The following COL23A1 variants were observed in gnomAD, a reference collection of about 807,000 sequenced individuals.
COL23A1 encodes collagen alpha-1(XXIII) chain.
In COL23A1, 97 loss-of-function variants were observed where a neutral mutation model predicts 99.3. That is an observed-to-expected ratio of 0.98 (90% CI 0.83 to 1.16). The LOEUF is 1.16. COL23A1 is among the 50% of genes most tolerant of loss of function. The pLI is 0.00. For missense variants in COL23A1, 762 were observed against 757.4 expected (o/e 1.01, Z -0.07); for synonymous variants, 320 against 308.2 (o/e 1.04, Z -0.40).
chr5:178,267,178 A>T, intron 8 of COL23A1, 129 bp downstream of exon 8: 1 of 1,011,148 alleles, frequency 9.9e-7, no homozygotes, highest in Non-Finnish European at 1.5e-6. Context: ...ATGGGTGGGG[A>T]AGAGCCCTCT....
intron 2 of COL23A1, chr5:178,438,699 T>C (rs1318667074): frequency 6.7e-6 from 1 of 148,596 alleles, no homozygotes; most frequent in Non-Finnish European, 1.5e-5. Flanking sequence ...AGAAAAATAA[T>C]CTGTACATTG....
At chr5:178,557,089 A>G (rs1762317173) in intron 2 of COL23A1, among the ~76,000 whole-genome samples, 1 of 152,220 alleles carries the variant, frequency 6.6e-6, no homozygotes, top group Admixed American at 6.5e-5. Context: ...CGGGCTCCTC[A>G]GGGAGAGTCC....
At chr5:178,252,013 A>C (rs1460688472) in intron 17 of COL23A1, among the ~76,000 whole-genome samples, 1 of 150,932 alleles carries the variant, frequency 6.6e-6, no homozygotes, top group African/African-American at 2.4e-5. Flanking sequence ...TCCCAGGTTC[A>C]AGCGATTCTC....
intron 2 of COL23A1, among the ~76,000 whole-genome samples, chr5:178,495,561 G>A (rs532263014): frequency 2.6e-5 from 4 of 152,284 alleles, no homozygotes; most frequent in South Asian, 4.1e-4. Flanking sequence ...GGAGTTGACT[G>A]TAGGGCACCA....
Position 178,394,241 on chromosome 5 carries a change from C to T in COL23A1, c.362-87322G>A, listed in dbSNP as rs575659691. Among the ~76,000 whole-genome samples the T allele has an allele frequency of 4.6e-5, 7 of 152,332 alleles. No individual in the cohort carries two copies. The East Asian group carries it at 5.8e-4, about 13-fold the overall frequency. On this transcript the variant is annotated intron_variant, in intron 2 of 28. Coordinates refer to ENST00000390654, the MANE Select transcript of COL23A1 (RefSeq NM_173465.4). The stretch of plus-strand genomic sequence containing the variant: ...GCCTGGAGCCTCCTGAGGGCAGGTC[C>T]GGTACAGGTTTAACCCATGCCCTGA...
At position 178,366,906 on chromosome 5, in the gene COL23A1, C is replaced by T. The variant is rs2910112; in HGVS notation, c.362-59987G>A. The stretch of plus-strand genomic sequence containing the variant: ...ACTTGGCATGAGTGGCTGGCTTGCT[C>T]GCCTTCCTGGCCACACCAGATGGGC... On this transcript the variant is annotated intron_variant, in intron 2 of 28. Coordinates refer to ENST00000390654, the MANE Select transcript of COL23A1 (RefSeq NM_173465.4). The surrounding 1 kb of genome is among the most constrained non-coding windows in gnomAD (Gnocchi z 4.4). Among the ~76,000 whole-genome samples the T allele has an allele frequency of 6.6e-6, 1 of 152,110 alleles. No homozygotes were observed. Among genetic ancestry groups the T allele is most frequent in the Non-Finnish European group, 1.5e-5 (1 of 68,024 alleles).
At chr5:178,446,788 T>C (rs779118675) in intron 2 of COL23A1, among the ~76,000 whole-genome samples, 8 of 152,102 alleles carry the variant, frequency 5.3e-5, no homozygotes, top group African/African-American at 1.9e-4. Flanking sequence ...TTCACTGCAA[T>C]ACTGCTTGTA....
At chr5:178,403,048 G>A (rs1197784041) in intron 2 of COL23A1, among the ~76,000 whole-genome samples, 2 of 146,712 alleles carry the variant, frequency 1.4e-5, no homozygotes, top group Non-Finnish European at 3.0e-5. Flanking sequence ...GGTGGAGGTT[G>A]AAGTGAGCTG....
chr5:178,299,071 G>T (rs185576872), intron 3 of COL23A1, among the ~76,000 whole-genome samples: 2 of 152,184 alleles, frequency 1.3e-5, no homozygotes, highest in Admixed American at 1.3e-4. Flanking sequence ...TATTGTTGAG[G>T]ACTTTTATGT....
rs1356348797 is a variant in COL23A1, at chr5:178,309,793, C to T, written c.362-2874G>A. On this transcript the variant is annotated intron_variant, in intron 2 of 28. Transcript: ENST00000390654. This position sits in a 1 kb window ranked among gnomAD's most constrained non-coding sequence, Gnocchi z 4.7. ...AACGCTGCCCCTGCACTCAGTCCCC[C>T]ACTCTGCCACTCGCTCTGCTGTGCT... 6.6e-6 allele frequency among the ~76,000 whole-genome samples: 1 copy of T among 152,098 alleles called. No homozygotes were observed. Among genetic ancestry groups the T allele is most frequent in the African/African-American group, 2.4e-5 (1 of 41,406 alleles).
chr5:178,369,076 C>T (rs796980638), intron 2 of COL23A1, among the ~76,000 whole-genome samples: 1 of 152,334 alleles, frequency 6.6e-6, no homozygotes, highest in African/African-American at 2.4e-5. Flanking sequence ...AGGCTGCATC[C>T]GTCGGCCCCT....
Position 178,255,463 on chromosome 5 carries a change from G to A in COL23A1, c.883-437C>T, listed in dbSNP as rs1185744569. Among the ~76,000 whole-genome samples the A allele has an allele frequency of 6.6e-6, 1 of 151,620 alleles. No homozygotes were observed. Among genetic ancestry groups the A allele is most frequent in the South Asian group, 2.1e-4 (1 of 4,804 alleles). On this transcript the variant is annotated intron_variant, in intron 15 of 28. Coordinates refer to ENST00000390654, the MANE Select transcript of COL23A1 (RefSeq NM_173465.4). The surrounding 1 kb of genome is among the most constrained non-coding windows in gnomAD (Gnocchi z 4.2). ...GGCTGCACACGCCAAGCACCCACAC[G>A]CCTATTCCCGCCTGGTTACAGGTGC...
intron 2 of COL23A1, among the ~76,000 whole-genome samples, chr5:178,421,445 T>C (rs1304135505): frequency 6.6e-6 from 1 of 151,144 alleles, no homozygotes; most frequent in Non-Finnish European, 1.5e-5. Context: ...GGTAATGGAT[T>C]AAAGTCTCAG....
intron 2 of COL23A1, among the ~76,000 whole-genome samples, chr5:178,430,876 C>A (rs1766224114): frequency 6.6e-6 from 1 of 152,048 alleles, no homozygotes; most frequent in South Asian, 2.1e-4. Flanking sequence ...TGAGTCCCTA[C>A]CTGGGAGTCA....
chr5:178,328,270 C>T (rs1018096695), intron 2 of COL23A1, among the ~76,000 whole-genome samples: 1 of 152,214 alleles, frequency 6.6e-6, no homozygotes, highest in African/African-American at 2.4e-5. Context: ...CCACACGCCC[C>T]ACTGCGTTTT....
chr5:178,360,709 ACACC>A (rs1486168471), intron 2 of COL23A1, among the ~76,000 whole-genome samples: 21 of 152,342 alleles, frequency 1.4e-4, no homozygotes, highest in African/African-American at 4.8e-4. Flanking sequence ...CTTGCATGGC[ACACC>A]TGGTCATGGA....
intron 1 of COL23A1, among the ~76,000 whole-genome samples, chr5:178,586,547 C>G (rs1386695066): frequency 6.6e-6 from 1 of 151,080 alleles, no homozygotes; most frequent in Non-Finnish European, 1.5e-5. Flanking sequence ...AAGGAACGCC[C>G]CAATCCTTGG....
At chr5:178,392,749 C>CA (rs1432481216) in intron 2 of COL23A1, among the ~76,000 whole-genome samples, 1 of 152,210 alleles carries the variant, frequency 6.6e-6, no homozygotes, top group Non-Finnish European at 1.5e-5. Flanking sequence ...CCCCTCCTAC[C>CA]AATAGCCACA....
In COL23A1 at chr5:178,340,444, C is replaced by T. The variant is rs1041823157; in HGVS notation, c.362-33525G>A. ...TTAGATACTGAAGAGCCCAGCTCCA[C>T]ACCACGACTCCAGCTACACTCCAGC... is the stretch of plus-strand genomic sequence containing the variant. On this transcript the variant is annotated intron_variant, in intron 2 of 28. Transcript: ENST00000390654. This position sits in a 1 kb window ranked among gnomAD's most constrained non-coding sequence, Gnocchi z 4.7. 1.3e-5 allele frequency among the ~76,000 whole-genome samples: 2 copies of T among 152,208 alleles called. No homozygotes were observed. Among genetic ancestry groups the T allele is most frequent in the Non-Finnish European group, 2.9e-5 (2 of 68,034 alleles).
Sources: gnomAD v4.1 joint callset for allele counts (sites outside exome capture counted in the v4.1 genomes callset) on GRCh38, gnomAD v4.1.1 for gene constraint, Gnocchi (gnomAD v3.1) non-coding constraint, MANE v1.5 for transcripts, NCBI Gene and HGNC (gene_info 2026-07-23, HGNC 2026-07-21) for gene names.